Variants in SLC35F3 observed in about 807,000 individuals in gnomAD.
The protein encoded by SLC35F3 is putative thiamine transporter SLC35F3.
Under a neutral mutation model 49.9 loss-of-function variants are expected in SLC35F3, and 25 were observed. The ratio of observed to expected loss-of-function variants is 0.50; its 90% CI spans 0.37 to 0.70. The LOEUF (loss-of-function observed/expected upper bound fraction) is 0.70, where lower values mean the gene tolerates loss of function less well. SLC35F3 is among the 30% of genes least tolerant of loss of function. The probability of loss-of-function intolerance (pLI) is 0.00; values close to 1 mark genes in which losing one functional copy is unlikely to be tolerated. For synonymous variants in SLC35F3, 275 were observed against 265.4 expected (o/e 1.04, Z -0.35); for missense variants, 525 against 639.8 (o/e 0.82, Z 1.94).
chr1:234,186,284 G>A (rs991122832), intron 2 of SLC35F3, among the ~76,000 whole-genome samples: 2 of 152,084 alleles, frequency 1.3e-5, no homozygotes, highest in Non-Finnish European at 2.9e-5. Flanking sequence ...GACTCATGAT[G>A]TTGGCCAAAT....
intron 2 of SLC35F3, among the ~76,000 whole-genome samples, chr1:233,918,792 C>G (rs1185582986): frequency 8.5e-5 from 7 of 82,632 alleles, no homozygotes; most frequent in African/African-American, 2.2e-4. Flanking sequence ...CTCTCTCTCT[C>G]TCTCTTTCTC....
rs922297431 is a variant in SLC35F3 at position 233,905,483 on chromosome 1, A to G, written c.54-46A>G. The stretch of plus-strand genomic sequence containing the variant: ...CTCACGAATCCCCTCCTCTCTGTCC[A>G]TGCTCCCCCTGCCCACCCACCTGCC... On this transcript the variant is annotated intron_variant, in intron 1 of 7. Transcript: ENST00000366618. 6.4e-6 allele frequency: 9 copies of G among 1,412,654 alleles called. No individual in the cohort carries two copies. The Admixed American group carries it at 7.7e-5, about 12-fold the overall frequency. 87.5% of individuals were successfully genotyped at this position (1,412,654 alleles called of 1,614,324 possible).
chr1:234,167,437 G>A (rs1666336472), intron 2 of SLC35F3, among the ~76,000 whole-genome samples: 1 of 152,074 alleles, frequency 6.6e-6, no homozygotes. Context: ...CACCACAAAG[G>A]AGCACTGGAT....
At chr1:234,055,902 T>C (rs1664450486) in intron 2 of SLC35F3, among the ~76,000 whole-genome samples, 1 of 152,246 alleles carries the variant, frequency 6.6e-6, no homozygotes, top group South Asian at 2.1e-4. Flanking sequence ...TATAATTGGA[T>C]ATTACCAGCT....
At chr1:234,128,998 A>C (rs1665691301) in intron 2 of SLC35F3, among the ~76,000 whole-genome samples, 1 of 152,220 alleles carries the variant, frequency 6.6e-6, no homozygotes, top group South Asian at 2.1e-4. Context: ...GGTAAATTCC[A>C]CACAAACATG....
intron 2 of SLC35F3, among the ~76,000 whole-genome samples, chr1:234,140,002 A>AATAAAATAAAATAAATAAAAAT: frequency 2.8e-5 from 3 of 105,478 alleles, no homozygotes; most frequent in African/African-American, 3.1e-5. Flanking sequence ...AATAAAATAA[A>AATAAAATAAAATAAATAAAAAT]GTAAGTGACT....
chr1:234,305,604 C>T (rs553332910), intron 3 of SLC35F3, among the ~76,000 whole-genome samples: 1 of 152,158 alleles, frequency 6.6e-6, no homozygotes, highest in Non-Finnish European at 1.5e-5. Context: ...AGGCTGGTCT[C>T]GATCTCCTGA....
chr1:234,313,348 G>A (rs1297476350), intron 4 of SLC35F3, among the ~76,000 whole-genome samples: 1 of 152,176 alleles, frequency 6.6e-6, no homozygotes, highest in African/African-American at 2.4e-5. Context: ...GAGATGAGTG[G>A]TGTGTCTGTG....
intron 2 of SLC35F3, among the ~76,000 whole-genome samples, chr1:234,229,263 T>C (rs999897559): frequency 6.6e-6 from 1 of 152,150 alleles, no homozygotes; most frequent in African/African-American, 2.4e-5. Flanking sequence ...TGCATTACAT[T>C]TTGGAAAACG....
intron 3 of SLC35F3, among the ~76,000 whole-genome samples, chr1:234,233,420 C>T (rs1002945305): frequency 1.3e-5 from 2 of 152,194 alleles, no homozygotes; most frequent in Admixed American, 1.3e-4. Flanking sequence ...TTCAACCATA[C>T]AGGCTGAAAG....
intron 2 of SLC35F3, among the ~76,000 whole-genome samples, chr1:234,085,132 G>A (rs1292444629): frequency 2.6e-5 from 4 of 152,212 alleles, no homozygotes; most frequent in Non-Finnish European, 5.9e-5. Context: ...GGAGAGTCTA[G>A]AACACCAGTA....
At chr1:234,270,024 A>G (rs528032416) in intron 3 of SLC35F3, among the ~76,000 whole-genome samples, 8 of 152,308 alleles carry the variant, frequency 5.3e-5, no homozygotes, top group Admixed American at 2.0e-4. Flanking sequence ...ATTCCTTTAT[A>G]GCAACACTAA....
At chr1:233,972,405 C>T (rs958236053) in intron 2 of SLC35F3, among the ~76,000 whole-genome samples, 3 of 152,188 alleles carry the variant, frequency 2.0e-5, no homozygotes, top group Non-Finnish European at 2.9e-5. Context: ...ATATATTTCC[C>T]TGTTCCTAGA....
At chr1:234,313,164 A>G (rs1024059196) in intron 4 of SLC35F3, among the ~76,000 whole-genome samples, 12 of 152,200 alleles carry the variant, frequency 7.9e-5, no homozygotes, top group African/African-American at 2.9e-4. Flanking sequence ...GGTGTGAACC[A>G]CCGCGCCAGG....
intron 2 of SLC35F3, among the ~76,000 whole-genome samples, chr1:234,100,570 A>C (rs547605235): frequency 1.3e-4 from 20 of 152,318 alleles, no homozygotes; most frequent in African/African-American, 4.6e-4. Context: ...AAATGTTTCT[A>C]AGTCTGTTTG....
chr1:234,140,002 A>ATAAAAAAAT, intron 2 of SLC35F3, among the ~76,000 whole-genome samples: 3 of 105,368 alleles, frequency 2.8e-5, no homozygotes, highest in Non-Finnish European at 7.1e-5. Flanking sequence ...AATAAAATAA[A>ATAAAAAAAT]GTAAGTGACT....
At chr1:234,272,909 G>T (rs1241271239) in intron 3 of SLC35F3, among the ~76,000 whole-genome samples, 1 of 152,170 alleles carries the variant, frequency 6.6e-6, no homozygotes, top group Non-Finnish European at 1.5e-5. Flanking sequence ...GGTCAGCACA[G>T]CATCAGAACT....
At chr1:234,008,282 G>A (rs1195740265) in intron 2 of SLC35F3, among the ~76,000 whole-genome samples, 1 of 152,194 alleles carries the variant, frequency 6.6e-6, no homozygotes, top group African/African-American at 2.4e-5. Context: ...CATGCTGTCA[G>A]GAGCCAGGTT....
chr1:234,065,399 A>G (rs1451715651), intron 2 of SLC35F3, among the ~76,000 whole-genome samples: 1 of 152,074 alleles, frequency 6.6e-6, no homozygotes, highest in African/African-American at 2.4e-5. Context: ...CGCCCACCTC[A>G]GCCTCCCAAA....
Sources: allele counts gnomAD v4.1 joint callset (sites outside exome capture counted in the v4.1 genomes callset), GRCh38; gene constraint gnomAD v4.1.1; transcripts MANE v1.5; gene names NCBI Gene and HGNC (gene_info 2026-07-23, HGNC 2026-07-21).